The following ADGRE5 variants were observed in gnomAD, a reference collection of about 807,000 sequenced individuals.
The protein encoded by ADGRE5 is CD97 molecule.
ADGRE5 carries 72 observed loss-of-function variants against 100.3 expected under a neutral mutation model. The ratio of observed to expected loss-of-function variants is 0.72; its 90% confidence interval spans 0.59 to 0.87. ADGRE5 has a LOEUF of 0.87. Ranked by LOEUF, ADGRE5 falls within the 40% of genes least tolerant of loss-of-function variation. The pLI is 0.00. For synonymous variants in ADGRE5, 439 were observed against 447.8 expected, an observed-to-expected ratio of 0.98 and a Z score of 0.25; for missense variants, 959 against 1,094.7, an observed-to-expected ratio of 0.88 and a Z score of 1.75.
chr19:14,405,078 C>G (rs2146374938), intron 13 of ADGRE5: 1 of 157,100 alleles, frequency 6.4e-6, no homozygotes, highest in African/African-American at 2.4e-5. Flanking sequence ...CTCCTGACCT[C>G]AGGTGATCCA....
At chr19:14,404,865 C>CTT in intron 13 of ADGRE5, 3 of 317,734 alleles carry the variant, frequency 9.4e-6, no homozygotes, top group East Asian at 7.4e-5. Flanking sequence ...ACCACTTGCC[C>CTT]GTTTTTTTTT....
At position 14,406,085 on chromosome 19, in the gene ADGRE5, C is replaced by G. The variant is rs1976219488; in HGVS notation, c.1821+146C>G. On this transcript the variant is annotated intron_variant, in intron 14 of 19. Transcript: ENST00000242786. The surrounding 1 kb of genome is among the most constrained non-coding windows in gnomAD (Gnocchi z 6.0). ...CTGTCCGGGATCTGGCCCCGCCCAC[C>G]GGGGGGTCGGGTTGTCTCTTTAAAG... is the stretch of plus-strand genomic sequence containing the variant. 1 of 760,490 alleles carries G rather than the reference C, an allele frequency of 1.3e-6. No homozygotes were observed. The highest frequency in any genetic ancestry group is 2.1e-6 in the Non-Finnish European group (1 of 483,854). 47.1% of individuals were successfully genotyped at this position (760,490 alleles called of 1,614,324 possible). A position where few individuals can be genotyped will look rare whatever the true frequency, so the allele number is the denominator to read the frequency against.
chr19:14,399,750 A>T (rs958858319), intron 9 of ADGRE5, among the ~76,000 whole-genome samples: 2 of 151,994 alleles, frequency 1.3e-5, no homozygotes, highest in Non-Finnish European at 2.9e-5. Flanking sequence ...CTTAAAAAAA[A>T]AAAAAACAGT....
At chr19:14,388,974 C>T (rs1327286434) in intron 3 of ADGRE5, among the ~76,000 whole-genome samples, 156 bp downstream of exon 3, 2 of 150,352 alleles carry the variant, frequency 1.3e-5, no homozygotes, top group South Asian at 2.1e-4. Context: ...TGGTGGCTCA[C>T]GCCTGTAATC....
rs1976209993 is a variant in ADGRE5, at chr19:14,405,927, C to T, written c.1809C>T (p.Asn603=). 2 of 1,607,674 alleles carry T rather than the reference C, an allele frequency of 1.2e-6. No homozygotes were observed. Among genetic ancestry groups the T allele is most frequent in the Non-Finnish European group, 1.7e-6 (2 of 1,179,798 alleles). The change falls in exon 14 of 20, where the codon AAC becomes AAT. Residue 603 remains asparagine, a synonymous_variant. Transcript: ENST00000242786. ...CCATCTTCCTGGCCGGCATCGAGAA[C>T]GAAGGCGGCCAGGTGAGGTCCCGCC... ...GSTIFLAGIE[N]EGGQVGLRCR...
intron 1 of ADGRE5, among the ~76,000 whole-genome samples, chr19:14,382,318 T>G (rs1599605505): frequency 6.6e-6 from 1 of 151,896 alleles, no homozygotes; most frequent in Non-Finnish European, 1.5e-5. Context: ...GGCTTGAGAG[T>G]GAGAGACAAG....
intron 11 of ADGRE5, 117 bp from the exon 12 acceptor site, chr19:14,402,480 G>A: frequency 1.0e-6 from 1 of 983,542 alleles, no homozygotes; most frequent in Admixed American, 2.2e-5. Context: ...TCATCGGGAG[G>A]GGCTCCTGGC....
At chr19:14,385,088 G>A (rs1237334159) in intron 1 of ADGRE5, among the ~76,000 whole-genome samples, 1 of 128,806 alleles carries the variant, frequency 7.8e-6, no homozygotes, top group Non-Finnish European at 1.5e-5. Flanking sequence ...TCAGCTCACT[G>A]CAACCTCTGC....
In ADGRE5 at chr19:14,408,165, C is replaced by T; in HGVS notation, c.*44C>T. On this transcript the variant is annotated 3_prime_UTR_variant, in exon 20 of 20. Transcript: ENST00000242786. ...GGCCCAGCAGCTCCTGTGGCCACAG[C>T]AGCTTTGTACACGAAGACCATCCAT... 1 of 1,599,600 alleles carries T rather than the reference C, an allele frequency of 6.3e-7. No individual in the cohort carries two copies. The highest frequency in any genetic ancestry group is 8.6e-7 in the Non-Finnish European group (1 of 1,169,384).
At chr19:14,393,623 A>C (rs1975676660) in intron 4 of ADGRE5, among the ~76,000 whole-genome samples, 1 of 152,106 alleles carries the variant, frequency 6.6e-6, no homozygotes, top group African/African-American at 2.4e-5. Flanking sequence ...GACTACAGAG[A>C]GAAGAAAGGG....
intron 4 of ADGRE5, among the ~76,000 whole-genome samples, chr19:14,393,596 G>A (rs1975675302): frequency 6.6e-6 from 1 of 152,198 alleles, no homozygotes; most frequent in Non-Finnish European, 1.5e-5. Flanking sequence ...GCAGAGGTGG[G>A]AGGTGATGAG....
rs577009608 is a variant in ADGRE5, at chr19:14,385,311, C to T, written c.23-3139C>T. Reference sequence around the variant, plus strand: ...ACAGGCGTGAACCACCAAGCACAGCCCCCCACCTTCTGTCTCTCTGTCTCT... The same window carrying T: ...ACAGGCGTGAACCACCAAGCACAGCTCCCCACCTTCTGTCTCTCTGTCTCT... On this transcript the variant is annotated intron_variant, in intron 1 of 19. Coordinates refer to ENST00000242786, the MANE Select transcript of ADGRE5 (RefSeq NM_078481.4). 1.5e-3 allele frequency among the ~76,000 whole-genome samples: 232 copies of T among 152,016 alleles called. 1 individual carries two copies. Among genetic ancestry groups the T allele is most frequent in the Non-Finnish European group, 2.9e-3 (196 of 67,958 alleles).
At chr19:14,400,615 A>C (rs1975970738) in intron 9 of ADGRE5, among the ~76,000 whole-genome samples, 1 of 151,994 alleles carries the variant, frequency 6.6e-6, no homozygotes, top group Admixed American at 6.6e-5. Context: ...AACATGGTGA[A>C]AACCCGTCTC....
At chr19:14,407,011 T>G in intron 17 of ADGRE5, 50 bp from the exon 18 acceptor site, 1 of 1,613,742 alleles carries the variant, frequency 6.2e-7, no homozygotes, top group Non-Finnish European at 8.5e-7. Context: ...GTGAGGGGCA[T>G]GAAGCTGGAG....
chr19:14,401,346 G>T lies in ADGRE5; in HGVS notation c.898-40G>T, dbSNP rs763642570. 1 of 1,595,578 alleles carries T rather than the reference G, an allele frequency of 6.3e-7. No individual in the cohort carries two copies. Among genetic ancestry groups the T allele is most frequent in the East Asian group, 2.2e-5 (1 of 44,568 alleles). On this transcript the variant is annotated intron_variant, in intron 9 of 19. Coordinates refer to ENST00000242786, the MANE Select transcript of ADGRE5 (RefSeq NM_078481.4). This position sits in a 1 kb window ranked among gnomAD's most constrained non-coding sequence, Gnocchi z 4.1. ...CCAGGTCCTTCAGGCAACCCCTGTG[G>T]TCTGATGCTCCAGCGATTCTGTCAC...
rs1976137223 is a variant in ADGRE5, at chr19:14,404,436, C to T, written c.1503C>T (p.Asp501=). ...QELLCAFWKS[D]SDRGGHWATE... ...TGCTCTGTGCCTTCTGGAAGAGTGACAGCGACAGGGGAGGGCACTGGGCCA... is the reference window on the plus strand; with the variant it reads ...TGCTCTGTGCCTTCTGGAAGAGTGATAGCGACAGGGGAGGGCACTGGGCCA... The change falls in exon 13 of 20, where the codon GAC becomes GAT. Residue 501 remains aspartate, a synonymous_variant. Coordinates refer to ENST00000242786, the MANE Select transcript of ADGRE5 (RefSeq NM_078481.4). 6.2e-7 allele frequency: 1 copy of T among 1,612,064 alleles called. No homozygotes were observed. Among genetic ancestry groups the T allele is most frequent in the Non-Finnish European group, 8.5e-7 (1 of 1,179,760 alleles).
rs775891310 is a variant in ADGRE5 at position 14,408,006 on chromosome 19, C to G, written c.2475C>G (p.Thr825=). ...STTSGTGHNQ[T]RALRASESGI ...CGTCTGGCACTGGCCACAATCAGAC[C>G]CGGGTAAGGGGCTGCGCCTGGGGCG... The change falls in exon 19 of 20, where the codon ACC becomes ACG. Residue 825 remains threonine, a synonymous_variant. Transcript: ENST00000242786. 19 of 1,614,120 alleles carry G rather than the reference C, an allele frequency of 1.2e-5. No homozygotes were observed. The highest frequency in any genetic ancestry group is 5.0e-5 in the Admixed American group (3 of 60,014).
intron 13 of ADGRE5, chr19:14,404,866 GT>G (rs779348170): frequency 0.049 from 11,909 of 242,794 alleles, 21 homozygotes; most frequent in Middle Eastern, 0.066. Flanking sequence ...CCACTTGCCC[GT>G]TTTTTTTTTT....
At chr19:14,391,673 G>C (rs1418787274) in intron 4 of ADGRE5, among the ~76,000 whole-genome samples, 1 of 152,084 alleles carries the variant, frequency 6.6e-6, no homozygotes, top group African/African-American at 2.4e-5. Context: ...GGAGGTCAAG[G>C]CTGCAGTGAG....
Sources: allele counts gnomAD v4.1 joint callset (sites outside exome capture counted in the v4.1 genomes callset), GRCh38; gene constraint gnomAD v4.1.1; non-coding constraint Gnocchi (gnomAD v3.1); transcripts MANE v1.5; gene names NCBI Gene and HGNC (gene_info 2026-07-23, HGNC 2026-07-21).